The following SOCS4 variants were observed in gnomAD, a reference collection of about 807,000 sequenced individuals.
SOCS4 encodes the protein SH2 domain containing SOCS box protein.
A neutral mutation model predicts 34.1 loss-of-function variants in SOCS4; 20 were observed. The ratio of observed to expected loss-of-function variants is 0.59; its 90% CI spans 0.41 to 0.85. SOCS4 has a LOEUF of 0.85. Ranked by LOEUF, SOCS4 falls within the 40% of genes least tolerant of loss-of-function variation. The probability of loss-of-function intolerance (pLI) is 0.00; values close to 1 mark genes in which losing one functional copy is unlikely to be tolerated. For synonymous variants in SOCS4, 180 were observed against 186.4 expected (o/e 0.97, Z 0.28); for missense variants, 479 against 532.4 (o/e 0.90, Z 0.99).
chr14:55,041,781 A>ACCTTT (rs2042620449), intron 2 of SOCS4, among the ~76,000 whole-genome samples: 1 of 72,874 alleles, frequency 1.4e-5, no homozygotes, highest in Admixed American at 1.4e-4. Context: ...CCAACCCTTA[A>ACCTTT]TCTTTTTTTT....
In SOCS4 at chr14:55,043,966, T is replaced by C; in HGVS notation, c.925T>C (p.Leu309=). 6.2e-7 allele frequency: 1 copy of C among 1,614,164 alleles called. No homozygotes were observed. Residue 309 remains leucine, a synonymous_variant, in exon 3 of 3, where the codon TTA becomes CTA. Transcript: ENST00000555846. ...GGAAGGAAAACCAGAGGGTACCTTTTTACTTCGAGACTCAGCACAGGAAGA... is the reference window on the plus strand; with the variant it reads ...GGAAGGAAAACCAGAGGGTACCTTTCTACTTCGAGACTCAGCACAGGAAGA... ...LLEGKPEGTF[L]LRDSAQEDYL... is the part of the protein sequence containing the mutation.
At chr14:55,029,405 C>A (rs1196396573) in intron 1 of SOCS4, among the ~76,000 whole-genome samples, 3 of 152,136 alleles carry the variant, frequency 2.0e-5, no homozygotes, top group African/African-American at 7.2e-5. Context: ...ATGCCAAAGT[C>A]ACAGATTGAA....
chr14:55,037,984 G>A (rs761185024), intron 2 of SOCS4, among the ~76,000 whole-genome samples: 1 of 152,268 alleles, frequency 6.6e-6, no homozygotes, highest in Admixed American at 6.5e-5. Flanking sequence ...TGCTATTAAA[G>A]ACATACCCAA....
In SOCS4 at chr14:55,048,232, A is replaced by C. The variant is rs2042694411; in HGVS notation, c.*3868A>C. The C allele has an allele frequency of 6.0e-6, 1 of 167,034 alleles. No individual in the cohort carries two copies. The highest frequency in any genetic ancestry group is 1.5e-5 in the Non-Finnish European group (1 of 68,116). The allele number at this position is 167,034 out of a possible 1,614,324, so 10.3% of individuals were successfully genotyped here. The stretch of plus-strand genomic sequence containing the variant: ...ACTGTGCCCGGCCAAGATCTAACTC[A>C]CGCTTACTTTTCATTAAAATATTTC... On this transcript the variant is annotated 3_prime_UTR_variant, in exon 3 of 3. Transcript: ENST00000555846.
intron 2 of SOCS4, among the ~76,000 whole-genome samples, chr14:55,032,655 T>C (rs1427247449): frequency 6.6e-6 from 1 of 152,240 alleles, no homozygotes; most frequent in Admixed American, 6.5e-5. Context: ...TTCACCTTCT[T>C]TTTAAAAAGC....
rs749898457 is a variant in SOCS4, at chr14:55,048,173, G to C, written c.*3809G>C. On this transcript the variant is annotated 3_prime_UTR_variant, in exon 3 of 3. Transcript: ENST00000555846. ...TGACCTCAGGTGACCACCCGCCTCA[G>C]CCTCCCAAAGTGCTGGGATTACAGG... 6.0e-6 allele frequency: 1 copy of C among 166,822 alleles called. No individual in the cohort carries two copies. Among genetic ancestry groups the C allele is most frequent in the Non-Finnish European group, 1.5e-5 (1 of 68,162 alleles). 10.3% of individuals were successfully genotyped at this position (166,822 alleles called of 1,614,324 possible). A position where few individuals can be genotyped will look rare whatever the true frequency, so the allele number is the denominator to read the frequency against.
intron 2 of SOCS4, among the ~76,000 whole-genome samples, chr14:55,033,816 A>G (rs1477877020): frequency 2.6e-5 from 4 of 152,250 alleles, no homozygotes; most frequent in Non-Finnish European, 5.9e-5. Flanking sequence ...AAATAATACA[A>G]TCCACGAAAT....
intron 1 of SOCS4, among the ~76,000 whole-genome samples, chr14:55,029,770 T>C (rs1234050343): frequency 1.3e-5 from 2 of 152,192 alleles, no homozygotes; most frequent in African/African-American, 2.4e-5. Flanking sequence ...TGAAGATTTT[T>C]ATATTTCCAA....
rs1415138597 is a variant in SOCS4 at position 55,043,337 on chromosome 14, T to TG, written c.300dup (p.Gln101AlafsTer9). Reference sequence around the variant, plus strand: ...CTTAAACAGAAACTGCAAGATGCCGTGGGGCAGTGTTTTCCAATAAAGAAT... The same window carrying TG: ...CTTAAACAGAAACTGCAAGATGCCGTGGGGGCAGTGTTTTCCAATAAAGAAT... On this transcript the variant is annotated frameshift_variant, in exon 3 of 3. Coordinates refer to ENST00000555846, the MANE Select transcript of SOCS4 (RefSeq NM_199421.2). LOFTEE classifies it high-confidence loss of function. The TG allele has an allele frequency of 6.2e-7, 1 of 1,614,078 alleles. No individual in the cohort carries two copies. The highest frequency in any genetic ancestry group is 8.5e-7 in the Non-Finnish European group (1 of 1,180,032).
chr14:55,042,839 C>G (rs2042631876), intron 2 of SOCS4, 113 bp from the exon 3 acceptor site: 3 of 499,264 alleles, frequency 6.0e-6, no homozygotes, highest in African/African-American at 5.7e-5. Flanking sequence ...CTTCCAACAT[C>G]TCTTTTTCAT....
chr14:55,043,596 A>T lies in SOCS4; in HGVS notation c.555A>T (p.Ile185=), dbSNP rs1358402009. The part of the protein sequence containing the change: ...QLKRRNMEEN[I]NCFSHTNVQP... Reference sequence around the variant, plus strand: ...AACGAAGAAATATGGAAGAAAATATAAACTGTTTCTCACATACCAATGTTC... The same window carrying T: ...AACGAAGAAATATGGAAGAAAATATTAACTGTTTCTCACATACCAATGTTC... Residue 185 remains isoleucine (I), a synonymous_variant, in exon 3 of 3, where the codon ATA becomes ATT. Coordinates refer to ENST00000555846, the MANE Select transcript of SOCS4 (RefSeq NM_199421.2). 6.2e-7 allele frequency: 1 copy of T among 1,614,220 alleles called. No homozygotes were observed. The highest frequency in any genetic ancestry group is 8.5e-7 in the Non-Finnish European group (1 of 1,180,034).
In SOCS4 at chr14:55,046,492, T is replaced by C. The variant is rs920695614; in HGVS notation, c.*2128T>C. 4 of 167,000 alleles carry C rather than the reference T, an allele frequency of 2.4e-5. No individual in the cohort carries two copies. Among genetic ancestry groups the C allele is most frequent in the South Asian group, 2.1e-4 (1 of 4,832 alleles). The allele number at this position is 167,000 out of a possible 1,614,324, so 10.3% of individuals were successfully genotyped here. ...GGTAGTTTTATAAAGAAAAATGATA[T>C]ATAGTTATGTTGTCTTTTATAGTGT... On this transcript the variant is annotated 3_prime_UTR_variant, in exon 3 of 3. Transcript: ENST00000555846.
At chr14:55,042,159 C>T (rs1463844820) in intron 2 of SOCS4, among the ~76,000 whole-genome samples, 1 of 152,144 alleles carries the variant, frequency 6.6e-6, no homozygotes, top group Non-Finnish European at 1.5e-5. Context: ...CATTAGTCTT[C>T]ATGAAACTCG....
intron 2 of SOCS4, among the ~76,000 whole-genome samples, chr14:55,041,269 T>C (rs372660317): frequency 2.6e-4 from 40 of 152,328 alleles, no homozygotes; most frequent in African/African-American, 9.6e-4. Flanking sequence ...CTGATATAGA[T>C]ACTTGTTTCA....
Position 55,031,896 on chromosome 14 carries a change from C to A in SOCS4, c.-186C>A, listed in dbSNP as rs374753097. On this transcript the variant is annotated 5_prime_UTR_variant, in exon 2 of 3. Transcript: ENST00000555846. ...CTGTTGTCTGCTCTCCAGTGACTTC[C>A]GTTTGTGGAGCCTAAGTGTTTCTAC... 2 of 152,122 alleles carry A rather than the reference C, an allele frequency of 1.3e-5. No individual in the cohort carries two copies. The highest frequency in any genetic ancestry group is 1.3e-4 in the Admixed American group (2 of 15,274). 9.4% of individuals were successfully genotyped at this position (152,122 alleles called of 1,614,324 possible).
chr14:55,038,817 G>T (rs959655782), intron 2 of SOCS4, among the ~76,000 whole-genome samples: 2 of 152,192 alleles, frequency 1.3e-5, no homozygotes, highest in Non-Finnish European at 2.9e-5. Flanking sequence ...CCCAGTGCCT[G>T]TGGGTCCTGA....
Position 55,040,481 on chromosome 14 carries a change from A to C in SOCS4, c.-90-2471A>C, listed in dbSNP as rs149838853. Among the ~76,000 whole-genome samples, 665 of 152,356 alleles carry C rather than the reference A, an allele frequency of 4.4e-3. 3 individuals carry two copies. Among genetic ancestry groups the C allele is most frequent in the African/African-American group, 0.015 (639 of 41,588 alleles). Reference sequence around the variant, plus strand: ...TATTATAGGCCGGGCGCACTGGCTCATGCCTGTAATCCCAGCACTTTGGGA... The same window carrying C: ...TATTATAGGCCGGGCGCACTGGCTCCTGCCTGTAATCCCAGCACTTTGGGA... On this transcript the variant is annotated intron_variant, in intron 2 of 2. Coordinates refer to ENST00000555846, the MANE Select transcript of SOCS4 (RefSeq NM_199421.2).
At chr14:55,033,460 CT>C (rs2042546156) in intron 2 of SOCS4, among the ~76,000 whole-genome samples, 1 of 152,116 alleles carries the variant, frequency 6.6e-6, no homozygotes, top group African/African-American at 2.4e-5. Context: ...TTCTAAATAT[CT>C]TTTTTCTGAT....
intron 1 of SOCS4, among the ~76,000 whole-genome samples, chr14:55,029,720 A>T (rs2042511567): frequency 6.6e-6 from 1 of 152,182 alleles, no homozygotes. Context: ...AAGGAGACCA[A>T]AGTATTGAAA....
Sources: gnomAD v4.1 joint callset for allele counts (sites outside exome capture counted in the v4.1 genomes callset) on GRCh38, gnomAD v4.1.1 for gene constraint, MANE v1.5 for transcripts, NCBI Gene and HGNC (gene_info 2026-07-23, HGNC 2026-07-21) for gene names.